FYN: variants seen among roughly 807,000 people sequenced by gnomAD.
FYN encodes the protein tyrosine-protein kinase Fyn.
A neutral mutation model predicts 70.2 loss-of-function variants in FYN; 10 were observed. That is an observed-to-expected ratio of 0.14 (90% CI 0.09 to 0.24). The LOEUF (loss-of-function observed/expected upper bound fraction) is 0.24, where lower values mean the gene tolerates loss of function less well. FYN is among the 10% of genes least tolerant of loss of function. The pLI is 1.00. For missense variants in FYN, 319 were observed against 673.1 expected, an observed-to-expected ratio of 0.47 and a Z score of 5.82; for synonymous variants, 236 against 248.6, an observed-to-expected ratio of 0.95 and a Z score of 0.48.
chr6:111,743,705 C>G (rs1270598338), intron 3 of FYN, among the ~76,000 whole-genome samples: 1 of 152,198 alleles, frequency 6.6e-6, no homozygotes, highest in African/African-American at 2.4e-5. Context: ...TCCCAGAGAT[C>G]GGTACCAGCA....
chr6:111,846,927 C>A (rs967584690), intron 1 of FYN, among the ~76,000 whole-genome samples: 1 of 152,190 alleles, frequency 6.6e-6, no homozygotes, highest in Non-Finnish European at 1.5e-5. Context: ...TACACACACA[C>A]ACACAAACAC....
At chr6:111,739,160 G>T (rs893971785) in intron 3 of FYN, among the ~76,000 whole-genome samples, 1 of 152,194 alleles carries the variant, frequency 6.6e-6, no homozygotes, top group African/African-American at 2.4e-5. Context: ...TACCTACAAG[G>T]TGTCAAAAGC....
intron 13 of FYN, among the ~76,000 whole-genome samples, chr6:111,665,795 A>G (rs893283109): frequency 3.3e-5 from 5 of 150,420 alleles, no homozygotes; most frequent in Admixed American, 3.3e-4. Flanking sequence ...CTAATTTTTT[A>G]TATTTTTAGT....
chr6:111,667,000 T>C (rs1264358732), intron 13 of FYN, among the ~76,000 whole-genome samples: 6 of 152,206 alleles, frequency 3.9e-5, no homozygotes. Flanking sequence ...AAGAAGACTG[T>C]GCTCACTTCC....
At chr6:111,801,053 A>G (rs988500651) in intron 2 of FYN, among the ~76,000 whole-genome samples, 9 of 152,230 alleles carry the variant, frequency 5.9e-5, no homozygotes, top group African/African-American at 2.2e-4. Context: ...ACAAATTACA[A>G]GTCCACAACA....
intron 13 of FYN, among the ~76,000 whole-genome samples, chr6:111,668,055 G>A (rs1303061236): frequency 6.6e-6 from 1 of 152,246 alleles, no homozygotes; most frequent in African/African-American, 2.4e-5. Context: ...TTGCTTCTGT[G>A]CATAAAAGGC....
At chr6:111,750,795 G>A (rs1451682745) in intron 3 of FYN, among the ~76,000 whole-genome samples, 2 of 149,256 alleles carry the variant, frequency 1.3e-5, no homozygotes, top group Middle Eastern at 3.5e-3. Context: ...AAGGGCATGC[G>A]TTCCCGCCAT....
At chr6:111,737,486 A>G (rs1801759361) in intron 3 of FYN, among the ~76,000 whole-genome samples, 1 of 152,210 alleles carries the variant, frequency 6.6e-6, no homozygotes, top group African/African-American at 2.4e-5. Context: ...ATTATAAAGG[A>G]TGTTTTAAAG....
At chr6:111,825,691 C>G (rs1164485415) in intron 2 of FYN, among the ~76,000 whole-genome samples, 1 of 152,078 alleles carries the variant, frequency 6.6e-6, no homozygotes, top group Non-Finnish European at 1.5e-5. Context: ...TTTGCCCTGA[C>G]CTGTTTGGGG....
intron 13 of FYN, among the ~76,000 whole-genome samples, chr6:111,667,628 G>C (rs1312260801): frequency 6.6e-6 from 1 of 152,150 alleles, no homozygotes; most frequent in Non-Finnish European, 1.5e-5. Flanking sequence ...GTCACTTCTT[G>C]ACTTCTAACT....
At chr6:111,750,269 C>T (rs770434919) in intron 3 of FYN, among the ~76,000 whole-genome samples, 11 of 152,160 alleles carry the variant, frequency 7.2e-5, no homozygotes, top group Non-Finnish European at 1.5e-4. Context: ...TAGCACCATC[C>T]TCCTTGGTAC....
chr6:111,781,559 C>G (rs1771173027), intron 2 of FYN, among the ~76,000 whole-genome samples: 1 of 152,164 alleles, frequency 6.6e-6, no homozygotes, highest in Non-Finnish European at 1.5e-5. Flanking sequence ...GCCTGGCACT[C>G]AAGCTCACCC....
intron 3 of FYN, among the ~76,000 whole-genome samples, chr6:111,775,000 T>C (rs1192176084): frequency 6.6e-6 from 1 of 152,200 alleles, no homozygotes; most frequent in Non-Finnish European, 1.5e-5. Flanking sequence ...ATTACAGGTA[T>C]GCGCCACTGC....
intron 1 of FYN, among the ~76,000 whole-genome samples, chr6:111,848,815 CA>C (rs1481709904): frequency 6.6e-6 from 1 of 152,152 alleles, no homozygotes; most frequent in African/African-American, 2.4e-5. Context: ...TGTTTATTCA[CA>C]AATGTTTAAG....
intron 13 of FYN, among the ~76,000 whole-genome samples, chr6:111,667,047 T>C (rs1798041596): frequency 6.6e-6 from 1 of 152,224 alleles, no homozygotes; most frequent in Non-Finnish European, 1.5e-5. Context: ...TAAATCATGT[T>C]GCTGGCTTCC....
At chr6:111,718,564 G>T (rs9374281) in intron 4 of FYN, among the ~76,000 whole-genome samples, 7,588 of 152,252 alleles carry the variant, frequency 0.05, 363 homozygotes, top group East Asian at 0.24. Flanking sequence ...AGAATTAACA[G>T]TCTGGGCTGG....
chr6:111,817,427 T>C (rs145058895), intron 2 of FYN, among the ~76,000 whole-genome samples: 4 of 152,308 alleles, frequency 2.6e-5, no homozygotes, highest in African/African-American at 9.6e-5. Flanking sequence ...TGTAAGTTAC[T>C]CCTATAATAT....
chr6:111,699,384 A>AT, intron 9 of FYN: 4 of 940,852 alleles, frequency 4.3e-6, no homozygotes, highest in Non-Finnish European at 6.4e-6. Flanking sequence ...GAAAATCTGG[A>AT]TGGCCTGTGC....
At chr6:111,868,307 G>A (rs1337727931) in intron 1 of FYN, among the ~76,000 whole-genome samples, 1 of 152,098 alleles carries the variant, frequency 6.6e-6, no homozygotes, top group Non-Finnish European at 1.5e-5. Context: ...TAATTGTCTG[G>A]CAAATAGAAT....
Sources: allele counts gnomAD v4.1 joint callset (sites outside exome capture counted in the v4.1 genomes callset), GRCh38; gene constraint gnomAD v4.1.1; transcripts MANE v1.5; gene names NCBI Gene and HGNC (gene_info 2026-07-23, HGNC 2026-07-21).